Variants in MAP3K6 observed in about 807,000 individuals in gnomAD.
MAP3K6 encodes the protein apoptosis signal-regulating kinase 2.
MAP3K6 carries 105 observed loss-of-function variants against 147.1 expected under a neutral mutation model. The ratio of observed to expected loss-of-function variants is 0.71; its 90% CI spans 0.61 to 0.84. MAP3K6 has a LOEUF of 0.84. Ranked by LOEUF, MAP3K6 falls within the 40% of genes least tolerant of loss-of-function variation. The probability of loss-of-function intolerance (pLI) is 0.00; values close to 1 mark genes in which losing one functional copy is unlikely to be tolerated. For missense variants in MAP3K6, 1,569 were observed against 1,715.0 expected, an observed-to-expected ratio of 0.91 and a Z score of 1.50; for synonymous variants, 695 against 732.4, an observed-to-expected ratio of 0.95 and a Z score of 0.82.
chr1:27,356,975 C>T, intron 24 of MAP3K6, 34 bp downstream of exon 24: 4 of 1,591,576 alleles, frequency 2.5e-6, no homozygotes, highest in Non-Finnish European at 3.4e-6. Context: ...ACCACACCCT[C>T]GCTGGCAGGA....
intron 12 of MAP3K6, 41 bp downstream of exon 12, chr1:27,361,305 C>T (rs1557562676): frequency 1.9e-6 from 3 of 1,613,784 alleles, no homozygotes; most frequent in Non-Finnish European, 2.5e-6. Flanking sequence ...CAGCGACCCT[C>T]ACCTCCCGTC....
rs1241779530 is a variant in MAP3K6, at chr1:27,358,345, T to C, written c.2777-26A>G. On this transcript the variant is annotated intron_variant, in intron 20 of 28. Transcript: ENST00000357582. This position sits in a 1 kb window ranked among gnomAD's most constrained non-coding sequence, Gnocchi z 6.2. ...CTGAGGGAGGGACAGAGCCATCAGC[T>C]GGGCTCTCCTCCACCCTCACAGCTC... 6.3e-7 allele frequency: 1 copy of C among 1,597,230 alleles called. No individual in the cohort carries two copies. The highest frequency in any genetic ancestry group is 2.2e-5 in the East Asian group (1 of 44,788).
Position 27,357,880 on chromosome 1 carries a change from G to A in MAP3K6, c.2916-4C>T, listed in dbSNP as rs759845349. On this transcript the variant is annotated splice_polypyrimidine_tract_variant and splice_region_variant and intron_variant, in intron 21 of 28. Transcript: ENST00000357582. ...GGCCGCAGGCTCCTCGGGCACCCTG[G>A]GCACAAGGGCGAGCTGCTGATTGAG... is the stretch of plus-strand genomic sequence containing the variant. 1.3e-6 allele frequency: 2 copies of A among 1,582,872 alleles called. No homozygotes were observed. The highest frequency in any genetic ancestry group is 1.7e-6 in the Non-Finnish European group (2 of 1,170,266).
rs1178104511 is a variant in MAP3K6 at position 27,356,081 on chromosome 1, T to G, written c.3656A>C (p.Gln1219Pro). The G allele has an allele frequency of 1.2e-6, 2 of 1,614,178 alleles. No homozygotes were observed. Among genetic ancestry groups the G allele is most frequent in the Admixed American group, 3.3e-5 (2 of 60,024 alleles). The change falls in exon 27 of 29, where the codon CAG becomes CCG. Residue 1219 changes from glutamine (Q) to proline (P), a missense_variant. Gln to Pro is a moderately conservative substitution (Grantham distance 76). Coordinates refer to ENST00000357582, the MANE Select transcript of MAP3K6 (RefSeq NM_004672.5). ...TTCCTGTAGCCACTGCACCAGGCCC[T>G]GGTCCGTTGAAAGAGCAGCTGTCAA... ...PEPPTALSTD[Q>P]GLVQWLQELN...
rs1571072756 is a variant in MAP3K6 at position 27,362,025 on chromosome 1, C to G, written c.1415+66G>C. On this transcript the variant is annotated intron_variant, in intron 9 of 28. Coordinates refer to ENST00000357582, the MANE Select transcript of MAP3K6 (RefSeq NM_004672.5). ...TTGGCTCAGGGTTCAGTCTAGCATG[C>G]CAATGGACATAGGTGCAGGAGCTGA... 5 of 1,553,702 alleles carry G rather than the reference C, an allele frequency of 3.2e-6. No individual in the cohort carries two copies. The East Asian group carries it at 1.1e-4, about 35-fold the overall frequency.
At chr1:27,365,844 G>A (rs1317867417) in intron 1 of MAP3K6, among the ~76,000 whole-genome samples, 4 of 151,774 alleles carry the variant, frequency 2.6e-5, no homozygotes, top group Non-Finnish European at 5.9e-5. Context: ...CCCAGTAATT[G>A]TCCTCAAGAG....
chr1:27,356,092 AAG>A lies in MAP3K6; in HGVS notation c.3643_3644del (p.Leu1215PhefsTer27). 6.2e-7 allele frequency: 1 copy of A among 1,614,002 alleles called. No individual in the cohort carries two copies. Among genetic ancestry groups the A allele is most frequent in the Non-Finnish European group, 8.5e-7 (1 of 1,179,938 alleles). On this transcript the variant is annotated frameshift_variant, in exon 27 of 29. Coordinates refer to ENST00000357582, the MANE Select transcript of MAP3K6 (RefSeq NM_004672.5). LOFTEE classifies it high-confidence loss of function. The stretch of plus-strand genomic sequence containing the variant: ...ACTGCACCAGGCCCTGGTCCGTTGA[AAG>A]AGCAGCTGTCAAGAAGCAGTCAGGT... Reference protein sequence around the residue: ...YVLAPEPPTALSTDQGLVQWL... With the variant: ...YVLAPEPPTAXSTDQGLVQWL...
Position 27,362,852 on chromosome 1 carries a change from A to G in MAP3K6, c.1141T>C (p.Trp381Arg), listed in dbSNP as rs983543178. The part of the protein sequence containing the change: ...DAGHREQAYH[W>R]YRKAFDVEPS... ...CCGGCCACTCACTGTGCTCTTTACC[A>G]GTGATAGGCCTGCTCCCGGTGCCCA... Residue 381 changes from tryptophan to arginine, a missense_variant and splice_region_variant, in exon 7 of 29, where the codon TGG becomes CGG. Transcript: ENST00000357582. 12 of 1,613,830 alleles carry G rather than the reference A, an allele frequency of 7.4e-6. No homozygotes were observed. The highest frequency in any genetic ancestry group is 1.0e-5 in the Non-Finnish European group (12 of 1,179,912).
At chr1:27,362,608 G>T (rs1367175696) in intron 8 of MAP3K6, 33 bp downstream of exon 8, 2 of 1,497,984 alleles carry the variant, frequency 1.3e-6, no homozygotes, top group Non-Finnish European at 1.8e-6. Context: ...AACCCCTGTG[G>T]GTGACGAGAC....
In MAP3K6 at chr1:27,361,222, G is replaced by A; in HGVS notation, c.1767C>T (p.Phe589=). The change falls in exon 13 of 29, where the codon TTC becomes TTT. Residue 589 remains phenylalanine (F), a synonymous_variant. Coordinates refer to ENST00000357582, the MANE Select transcript of MAP3K6 (RefSeq NM_004672.5). ...CCTGAGCCGGGGGGAGTGCATAGAG[G>A]AAGCAGCAGCGCTCGTCGCGCTTTG... ...SASKRDERCC[F]LYALPPAQDV... 1 of 1,613,424 alleles carries A rather than the reference G, an allele frequency of 6.2e-7. No individual in the cohort carries two copies.
rs1339508604 is a variant in MAP3K6 at position 27,358,476 on chromosome 1, G to A, written c.2719C>T (p.Gln907Ter). Residue 907 changes from glutamine to a stop codon, truncating the protein, a stop_gained, in exon 20 of 29, where the codon CAG becomes TAG. Transcript: ENST00000357582. LOFTEE classifies it high-confidence loss of function. The surrounding 1 kb of genome is among the most constrained non-coding windows in gnomAD (Gnocchi z 6.2). ...GGGCTGCGGCTCCTTTTCCCAGGCT[G>A]CAGGAAGGGGTCCCCCAGCAGTGTC... Reference protein sequence around the residue: ...AQTLLGDPFLQPGKRSRSPSS... With the variant: ...AQTLLGDPFL 1 of 1,595,860 alleles carries A rather than the reference G, an allele frequency of 6.3e-7. No individual in the cohort carries two copies.
rs766226915 is a variant in MAP3K6, at chr1:27,358,165, G to T, written c.2915+16C>A. The T allele has an allele frequency of 6.4e-7, 1 of 1,562,452 alleles. No individual in the cohort carries two copies. The highest frequency in any genetic ancestry group is 1.2e-5 in the South Asian group (1 of 84,282). On this transcript the variant is annotated intron_variant, in intron 21 of 28. Transcript: ENST00000357582. This position sits in a 1 kb window ranked among gnomAD's most constrained non-coding sequence, Gnocchi z 6.2. ...AACCAGGCAAAAGGAACCCATCCCAGGAGCCTTGGTCTCACCGGAGCTGGC... is the reference window on the plus strand; with the variant it reads ...AACCAGGCAAAAGGAACCCATCCCATGAGCCTTGGTCTCACCGGAGCTGGC...
At position 27,357,826 on chromosome 1, in the gene MAP3K6, GA is replaced by G. The variant is rs2015590096; in HGVS notation, c.2965del (p.Ser989ArgfsTer3). 2 of 1,602,272 alleles carry G rather than the reference GA, an allele frequency of 1.2e-6. No homozygotes were observed. Among genetic ancestry groups the G allele is most frequent in the African/African-American group, 2.7e-5 (2 of 74,796 alleles). On this transcript the variant is annotated frameshift_variant, in exon 22 of 29. Transcript: ENST00000357582. LOFTEE classifies it high-confidence loss of function. ...CTCCTGGTGCAGCAGGCTCAGCCCC[GA>G]ACTCTCCTCCGGAGACGCAGGCTCC... Reference protein sequence around the residue: ...AEEPASPEESSGLSLLHQESK... With the variant: ...AEEPASPEESXGLSLLHQESK...
chr1:27,360,620 C>T lies in MAP3K6; in HGVS notation c.2054+85G>A. ...TCCTACGAGCCCGCCCACTAGGCCC[C>T]GCCCACAGGAGCCGCTCCGCTCGTG... On this transcript the variant is annotated intron_variant, in intron 15 of 28. Transcript: ENST00000357582. This position sits in a 1 kb window ranked among gnomAD's most constrained non-coding sequence, Gnocchi z 4.5. The T allele has an allele frequency of 6.6e-7, 1 of 1,505,154 alleles. No homozygotes were observed. Among genetic ancestry groups the T allele is most frequent in the Non-Finnish European group, 8.9e-7 (1 of 1,129,568 alleles). The allele number at this position is 1,505,154 out of a possible 1,614,324, so 93.2% of individuals were successfully genotyped here.
Position 27,358,964 on chromosome 1 carries a change from A to G in MAP3K6, c.2426-98T>C, listed in dbSNP as rs1233701139. The G allele has an allele frequency of 8.0e-7, 1 of 1,249,476 alleles. No homozygotes were observed. The highest frequency in any genetic ancestry group is 1.1e-6 in the Non-Finnish European group (1 of 899,628). The allele number at this position is 1,249,476 out of a possible 1,614,324, so 77.4% of individuals were successfully genotyped here. A position where few individuals can be genotyped will look rare whatever the true frequency, so the allele number is the denominator to read the frequency against. ...TCATCCTCAGGCCGACTGCACCCAT[A>G]CTGAACCTATCATCCAAAATATACC... On this transcript the variant is annotated intron_variant, in intron 18 of 28. Coordinates refer to ENST00000357582, the MANE Select transcript of MAP3K6 (RefSeq NM_004672.5). The surrounding 1 kb of genome is among the most constrained non-coding windows in gnomAD (Gnocchi z 6.2).
rs1390522511 is a variant in MAP3K6 at position 27,362,732 on chromosome 1, T to A, written c.1164A>T (p.Val388=). 5.6e-6 allele frequency: 9 copies of A among 1,612,206 alleles called. No homozygotes were observed. Among genetic ancestry groups the A allele is most frequent in the Admixed American group, 1.7e-5 (1 of 59,750 alleles). Residue 388 remains valine (V), a synonymous_variant, in exon 8 of 29, where the codon GTA becomes GTT. Coordinates refer to ENST00000357582, the MANE Select transcript of MAP3K6 (RefSeq NM_004672.5). ...TGATGCCTGAGTGAAGGCTGGGCTC[T>A]ACGTCAAAAGCCTTGCGATACCTGG... ...AYHWYRKAFD[V]EPSLHSGINA...
chr1:27,356,276 G>A (rs1180384619), intron 26 of MAP3K6, 112 bp downstream of exon 26: 2 of 1,178,742 alleles, frequency 1.7e-6, no homozygotes, highest in Admixed American at 2.3e-5. Context: ...ATGTTCTCCC[G>A]CCAAGGCCCG....
chr1:27,355,749 G>A lies in MAP3K6; in HGVS notation c.3712-4C>T, dbSNP rs2015498269. 1 of 1,613,606 alleles carries A rather than the reference G, an allele frequency of 6.2e-7. No individual in the cohort carries two copies. Among genetic ancestry groups the A allele is most frequent in the African/African-American group, 1.3e-5 (1 of 74,912 alleles). On this transcript the variant is annotated splice_region_variant and splice_polypyrimidine_tract_variant and intron_variant, in intron 27 of 28. Transcript: ENST00000357582. ...GGGTGAAGCTATGGTTCAACAGCTGGATGTGGTCAAAGACCCGCAGAAAGA... is the reference window on the plus strand; with the variant it reads ...GGGTGAAGCTATGGTTCAACAGCTGAATGTGGTCAAAGACCCGCAGAAAGA...
chr1:27,355,381 C>T lies in MAP3K6; in HGVS notation c.*10G>A. ...GGGCCTGTCTGGCCTATGATGCCCT[C>T]ATTCAGCTCTCAGGGTCCAGAGGTG... is the stretch of plus-strand genomic sequence containing the variant. On this transcript the variant is annotated 3_prime_UTR_variant, in exon 29 of 29. Coordinates refer to ENST00000357582, the MANE Select transcript of MAP3K6 (RefSeq NM_004672.5). The T allele has an allele frequency of 6.2e-7, 1 of 1,613,112 alleles. No homozygotes were observed. Among genetic ancestry groups the T allele is most frequent in the Non-Finnish European group, 8.5e-7 (1 of 1,179,042 alleles).
Sources: allele counts gnomAD v4.1 joint callset (sites outside exome capture counted in the v4.1 genomes callset), GRCh38; gene constraint gnomAD v4.1.1; non-coding constraint Gnocchi (gnomAD v3.1); transcripts MANE v1.5; gene names NCBI Gene and HGNC (gene_info 2026-07-23, HGNC 2026-07-21).